Variants in GNAI1 observed in about 807,000 individuals in gnomAD.
GNAI1 encodes the protein guanine nucleotide-binding protein G(i) subunit alpha-1.
In GNAI1, 11 loss-of-function variants were observed where a neutral mutation model predicts 38.9. That is an observed-to-expected ratio of 0.28 (90% confidence interval 0.18 to 0.47). The LOEUF is 0.47. Ranked by LOEUF, GNAI1 falls within the 20% of genes least tolerant of loss-of-function variation. The pLI is 0.99. For synonymous variants in GNAI1, 166 were observed against 145.1 expected, an observed-to-expected ratio of 1.14 and a Z score of -1.04; for missense variants, 317 against 436.9, an observed-to-expected ratio of 0.73 and a Z score of 2.45.
intron 1 of GNAI1, among the ~76,000 whole-genome samples, chr7:80,177,958 A>T (rs901170034): frequency 2.6e-5 from 4 of 152,250 alleles, no homozygotes; most frequent in Non-Finnish European, 5.9e-5. Context: ...AGGATTAATC[A>T]TTCTAGATGC....
At chr7:80,182,091 G>A (rs143610582) in intron 1 of GNAI1, among the ~76,000 whole-genome samples, 205 of 152,180 alleles carry the variant, frequency 1.3e-3, no homozygotes, top group Admixed American at 2.6e-3. Flanking sequence ...GTTTCTATGA[G>A]TCTGACTTTT....
chr7:80,219,368 T>C lies in GNAI1; in HGVS notation c.*1875T>C, dbSNP rs1789033236. 1 of 152,626 alleles carries C rather than the reference T, an allele frequency of 6.6e-6. No homozygotes were observed. Among genetic ancestry groups the C allele is most frequent in the Admixed American group, 6.5e-5 (1 of 15,274 alleles). 9.5% of individuals were successfully genotyped at this position (152,626 alleles called of 1,614,324 possible). A position where few individuals can be genotyped will look rare whatever the true frequency, so the allele number is the denominator to read the frequency against. The stretch of plus-strand genomic sequence containing the variant: ...TGAACTTTATTCTGTGTAATTGTGT[T>C]AATAAATCCTAATAAATTTAAATTT... On this transcript the variant is annotated 3_prime_UTR_variant, in exon 8 of 8. Coordinates refer to ENST00000649796, the MANE Select transcript of GNAI1 (RefSeq NM_002069.6).
At chr7:80,192,297 T>C (rs1788496128) in intron 3 of GNAI1, among the ~76,000 whole-genome samples, 2 of 152,212 alleles carry the variant, frequency 1.3e-5, no homozygotes, top group African/African-American at 2.4e-5. Context: ...TTTATCTCTG[T>C]CTCTTCACAC....
rs780822297 is a variant in GNAI1 at position 80,220,164 on chromosome 7, G to A, written c.*2671G>A. Among the ~76,000 whole-genome samples the A allele has an allele frequency of 1.3e-5, 2 of 152,056 alleles. No individual in the cohort carries two copies. The highest frequency in any genetic ancestry group is 2.9e-5 in the Non-Finnish European group (2 of 68,034). ...CATTTAATGCTCTTCATCACCTGAG[G>A]CCTGTTCCTTTCTACACTGTATCCA... On this transcript the variant is annotated 3_prime_UTR_variant, in exon 8 of 8. Transcript: ENST00000649796.
At chr7:80,214,253 G>T (rs988508684) in intron 7 of GNAI1, among the ~76,000 whole-genome samples, 8 of 152,090 alleles carry the variant, frequency 5.3e-5, no homozygotes, top group African/African-American at 1.9e-4. Flanking sequence ...GAAAGTCAAA[G>T]TCCTAAATCA....
chr7:80,200,576 G>A (rs1055292770), intron 4 of GNAI1, among the ~76,000 whole-genome samples: 1 of 152,060 alleles, frequency 6.6e-6, no homozygotes, highest in Non-Finnish European at 1.5e-5. Flanking sequence ...AAAGGTCTAG[G>A]TGAATGCATG....
chr7:80,156,584 A>G (rs1167601193), intron 1 of GNAI1, among the ~76,000 whole-genome samples: 3 of 152,012 alleles, frequency 2.0e-5, no homozygotes, highest in Non-Finnish European at 2.9e-5. Flanking sequence ...ACATGCCACC[A>G]TTCCCAGCCA....
intron 3 of GNAI1, among the ~76,000 whole-genome samples, chr7:80,190,385 T>G (rs1478993815): frequency 6.6e-6 from 1 of 152,170 alleles, no homozygotes; most frequent in African/African-American, 2.4e-5. Flanking sequence ...TTTAAATAAT[T>G]TATACATTTA....
At chr7:80,217,012 C>G (rs1788979744) in intron 7 of GNAI1, among the ~76,000 whole-genome samples, 1 of 152,024 alleles carries the variant, frequency 6.6e-6, no homozygotes, top group African/African-American at 2.4e-5. Flanking sequence ...GATAAAAGAT[C>G]TGGCATTTGA....
chr7:80,147,492 C>G (rs1049699498), intron 1 of GNAI1, among the ~76,000 whole-genome samples: 1 of 151,990 alleles, frequency 6.6e-6, no homozygotes, highest in Non-Finnish European at 1.5e-5. Flanking sequence ...CTGATGCGAT[C>G]TCCAGCTTCT....
chr7:80,173,861 A>T (rs1027890389), intron 1 of GNAI1, among the ~76,000 whole-genome samples: 4 of 152,090 alleles, frequency 2.6e-5, no homozygotes, highest in Admixed American at 2.6e-4. Flanking sequence ...GTAACATCCC[A>T]GTGTCTGTCA....
At chr7:80,184,505 A>G (rs868581565) in intron 1 of GNAI1, among the ~76,000 whole-genome samples, 3 of 152,110 alleles carry the variant, frequency 2.0e-5, no homozygotes, top group Non-Finnish European at 4.4e-5. Flanking sequence ...TTACCAGTCT[A>G]GCATTCCTAG....
At chr7:80,169,085 T>C (rs1788060259) in intron 1 of GNAI1, among the ~76,000 whole-genome samples, 2 of 152,216 alleles carry the variant, frequency 1.3e-5, no homozygotes, top group African/African-American at 4.8e-5. Flanking sequence ...CTGATTCTTT[T>C]GATTTTGTCA....
chr7:80,217,246 T>TATGTATGAAACTGTC, intron 7 of GNAI1, 57 bp from the exon 8 acceptor site: 1 of 1,152,028 alleles, frequency 8.7e-7, no homozygotes, highest in Non-Finnish European at 1.2e-6. Context: ...GAATTCAGTA[T>TATGTATGAAACTGTC]TTTAAGCAGT....
At chr7:80,191,142 C>T (rs916132884) in intron 3 of GNAI1, among the ~76,000 whole-genome samples, 3 of 151,902 alleles carry the variant, frequency 2.0e-5, no homozygotes, top group African/African-American at 7.3e-5. Context: ...AACTCATTCA[C>T]ACAAATGCCT....
intron 1 of GNAI1, among the ~76,000 whole-genome samples, chr7:80,159,916 GTAT>G (rs1787890833): frequency 7.5e-5 from 6 of 80,442 alleles, no homozygotes; most frequent in Admixed American, 6.4e-4. Context: ...TATGTTAAGT[GTAT>G]TGGGATATAT....
intron 1 of GNAI1, among the ~76,000 whole-genome samples, chr7:80,145,452 C>T (rs1029774323): frequency 1.3e-5 from 2 of 152,052 alleles, no homozygotes; most frequent in Non-Finnish European, 2.9e-5. Flanking sequence ...TAATTGTAAC[C>T]TCTTTGTGGT....
intron 1 of GNAI1, among the ~76,000 whole-genome samples, chr7:80,160,615 C>G (rs576026740): frequency 6.6e-6 from 1 of 152,112 alleles, no homozygotes. Flanking sequence ...ACTTGCAAAT[C>G]AAATTCTTCA....
intron 5 of GNAI1, among the ~76,000 whole-genome samples, chr7:80,209,261 C>A (rs1049819030): frequency 6.6e-6 from 1 of 152,080 alleles, no homozygotes; most frequent in African/African-American, 2.4e-5. Flanking sequence ...AAAGCAGATC[C>A]AGTAGGTTAT....
Sources: gnomAD v4.1 joint callset for allele counts (sites outside exome capture counted in the v4.1 genomes callset) on GRCh38, gnomAD v4.1.1 for gene constraint, MANE v1.5 for transcripts, NCBI Gene and HGNC (gene_info 2026-07-23, HGNC 2026-07-21) for gene names.